The following PCDHA11 variants were observed in gnomAD, a reference collection of about 807,000 sequenced individuals.
PCDHA11 encodes protocadherin alpha 11, also known as protocadherin alpha-11.
A neutral mutation model predicts 70.3 loss-of-function variants in PCDHA11; 61 were observed. The observed-to-expected ratio is 0.87, with a 90% CI of 0.71 to 1.07. PCDHA11 has a LOEUF of 1.07. Ranked by LOEUF, PCDHA11 falls within the 50% of genes least tolerant of loss-of-function variation. PCDHA11 has a pLI of 0.00. For missense variants in PCDHA11, 1,324 were observed against 1,237.5 expected (o/e 1.07, Z -1.05); for synonymous variants, 633 against 555.1 (o/e 1.14, Z -1.97).
At chr5:140,960,923 G>A (rs1478943565) in intron 1 of PCDHA11, among the ~76,000 whole-genome samples, 1 of 152,168 alleles carries the variant, frequency 6.6e-6, no homozygotes, top group African/African-American at 2.4e-5. Context: ...TAGAAAATTG[G>A]TACTAAGTTT....
intron 1 of PCDHA11, among the ~76,000 whole-genome samples, chr5:140,917,533 T>C (rs1584058253): frequency 6.6e-6 from 1 of 152,346 alleles, no homozygotes; most frequent in East Asian, 1.9e-4. Context: ...GTTTGTATAG[T>C]TTTAGGTTTT....
intron 1 of PCDHA11, among the ~76,000 whole-genome samples, chr5:140,886,052 CT>C (rs1247635205): frequency 6.6e-6 from 1 of 152,122 alleles, no homozygotes; most frequent in Non-Finnish European, 1.5e-5. Flanking sequence ...ATAGTAACAT[CT>C]TACAAAAGCG....
chr5:140,879,782 G>C (rs1372413289), intron 1 of PCDHA11, among the ~76,000 whole-genome samples: 1 of 152,178 alleles, frequency 6.6e-6, no homozygotes, highest in African/African-American at 2.4e-5. Flanking sequence ...GGAAGAATCT[G>C]GTTTTTGTTT....
intron 1 of PCDHA11, chr5:140,968,901 T>A (rs1321022294): frequency 6.2e-7 from 1 of 1,614,106 alleles, no homozygotes; most frequent in Non-Finnish European, 8.5e-7. Flanking sequence ...ATAATAGCAT[T>A]AAGCACAGTG....
At chr5:140,927,678 A>G in intron 1 of PCDHA11, 1 of 1,614,180 alleles carries the variant, frequency 6.2e-7, no homozygotes, top group Non-Finnish European at 8.5e-7. Context: ...ATCCAGATGA[A>G]GGGTCCAATG....
chr5:140,925,108 G>GGAAGGAAGGAAGGAAGGAA (rs1554202548), intron 1 of PCDHA11, among the ~76,000 whole-genome samples: 8 of 124,780 alleles, frequency 6.4e-5, no homozygotes, highest in South Asian at 4.6e-4. Context: ...GAAGGAAGGA[G>GGAAGGAAGGAAGGAAGGAA]GGAAGGAAGG....
At chr5:140,897,758 C>T (rs2066305789) in intron 1 of PCDHA11, among the ~76,000 whole-genome samples, 3 of 152,140 alleles carry the variant, frequency 2.0e-5, no homozygotes, top group Non-Finnish European at 4.4e-5. Context: ...CCTGAGGAAT[C>T]GCCACACTGA....
chr5:140,971,928 T>C (rs1318885872), intron 1 of PCDHA11, among the ~76,000 whole-genome samples: 1 of 152,186 alleles, frequency 6.6e-6, no homozygotes, highest in Non-Finnish European at 1.5e-5. Flanking sequence ...GCTAGTGTTA[T>C]TTTAAGTTGT....
intron 1 of PCDHA11, among the ~76,000 whole-genome samples, chr5:140,952,079 C>A (rs2094682960): frequency 6.6e-6 from 1 of 152,162 alleles, no homozygotes; most frequent in South Asian, 2.1e-4. Flanking sequence ...TTCATTGACT[C>A]CATGTCTCAC....
At chr5:140,886,554 A>G (rs2061020893) in intron 1 of PCDHA11, among the ~76,000 whole-genome samples, 1 of 152,078 alleles carries the variant, frequency 6.6e-6, no homozygotes, top group South Asian at 2.1e-4. Flanking sequence ...CCAGCTGGGC[A>G]CGGTGGCTCA....
chr5:140,937,371 T>C (rs2153632940), intron 1 of PCDHA11, among the ~76,000 whole-genome samples: 1 of 152,314 alleles, frequency 6.6e-6, no homozygotes, highest in Non-Finnish European at 1.5e-5. Context: ...TCTTAATGTT[T>C]ATGTGTGTGT....
chr5:140,918,706 G>A (rs528090085), intron 1 of PCDHA11, among the ~76,000 whole-genome samples: 10 of 152,108 alleles, frequency 6.6e-5, no homozygotes, highest in Non-Finnish European at 1.5e-4. Context: ...AGTCATGAGG[G>A]CAGAGCCCTC....
At chr5:140,994,178 A>G (rs2097601690) in intron 3 of PCDHA11, among the ~76,000 whole-genome samples, 1 of 152,226 alleles carries the variant, frequency 6.6e-6, no homozygotes, top group Admixed American at 6.5e-5. Context: ...AAGCTGGGAC[A>G]AACCACCAGG....
chr5:140,967,056 G>A, intron 1 of PCDHA11: 1 of 1,612,712 alleles, frequency 6.2e-7, no homozygotes, highest in Non-Finnish European at 8.5e-7. Context: ...CTGACGAGTG[G>A]AGCGCTCTTC....
intron 3 of PCDHA11, among the ~76,000 whole-genome samples, chr5:140,986,174 A>G (rs896771813): frequency 1.3e-5 from 2 of 152,238 alleles, no homozygotes; most frequent in Admixed American, 6.5e-5. Flanking sequence ...CAGGATAAAC[A>G]AGTCAGGCAT....
intron 1 of PCDHA11, chr5:140,969,580 AT>A: frequency 2.2e-6 from 2 of 914,646 alleles, no homozygotes; most frequent in Non-Finnish European, 3.2e-6. Flanking sequence ...AGAAGTGAGG[AT>A]TAGTCTTAAT....
chr5:140,929,541 G>A, intron 1 of PCDHA11: 6 of 542,944 alleles, frequency 1.1e-5, no homozygotes, highest in Non-Finnish European at 1.8e-5. Context: ...AGAAACAAGG[G>A]CAAAAATTAA....
intron 1 of PCDHA11, among the ~76,000 whole-genome samples, chr5:140,916,163 C>T (rs546851152): frequency 4.6e-5 from 7 of 152,184 alleles, no homozygotes; most frequent in Admixed American, 1.3e-4. Context: ...TGAATGCTGC[C>T]AGGCCTGGGA....
At position 141,000,391 on chromosome 5, in the gene PCDHA11, CTCTCTATA is replaced by C. The variant is rs1374519322; in HGVS notation, c.2540-9234_2540-9227del. Reference sequence around the variant, plus strand: ...TCTCTCTCTCTCTCTCTCTCTCTCTCTCTCTATATATATATATATATATATATATATTT... The same window carrying C: ...TCTCTCTCTCTCTCTCTCTCTCTCTCTATATATATATATATATATATATTT... On this transcript the variant is annotated intron_variant, in intron 3 of 3. Transcript: ENST00000398640. Among the ~76,000 whole-genome samples the C allele has an allele frequency of 7.6e-3, 431 of 56,394 alleles. 1 individual carries two copies. The highest frequency in any genetic ancestry group is 0.013 in the African/African-American group (152 of 11,988). The allele number at this position is 56,394 out of a possible 152,430, so 37.0% of individuals were successfully genotyped here. A position where few individuals can be genotyped will look rare whatever the true frequency, so the allele number is the denominator to read the frequency against.
Sources: gnomAD v4.1 joint callset for allele counts (sites outside exome capture counted in the v4.1 genomes callset) on GRCh38, gnomAD v4.1.1 for gene constraint, MANE v1.5 for transcripts, NCBI Gene and HGNC (gene_info 2026-07-23, HGNC 2026-07-21) for gene names.